The following LONRF3 variants were observed in gnomAD, a reference collection of about 807,000 sequenced individuals.
LONRF3 encodes LON peptidase N-terminal domain and ring finger 3.
A neutral mutation model predicts 51.7 loss-of-function variants in LONRF3; 19 were observed. The ratio of observed to expected loss-of-function variants is 0.37; its 90% confidence interval spans 0.26 to 0.54. The LOEUF is 0.54. Among genes scored for constraint, LONRF3 ranks in the 20% least tolerant of loss-of-function variants. The pLI is 0.86. For missense variants in LONRF3, 521 were observed against 623.9 expected, an observed-to-expected ratio of 0.84 and a Z score of 1.76; for synonymous variants, 265 against 257.8, an observed-to-expected ratio of 1.03 and a Z score of -0.27.
At chrX:118,999,891 G>A (rs774482614) in intron 5 of LONRF3, among the ~76,000 whole-genome samples, 1 of 111,980 alleles carries the variant, frequency 8.9e-6, no homozygotes, top group African/African-American at 3.2e-5. Flanking sequence ...CTGCTTGATG[G>A]TGATAAGAAA....
intron 7 of LONRF3, among the ~76,000 whole-genome samples, chrX:119,010,392 C>A (rs966343051): frequency 1.8e-5 from 2 of 111,808 alleles, no homozygotes; most frequent in South Asian, 7.6e-4. Flanking sequence ...GGTTTCATGC[C>A]CACTGTGTAG....
chrX:118,982,414 T>C (rs1249969219), intron 2 of LONRF3, among the ~76,000 whole-genome samples: 4 of 111,618 alleles, frequency 3.6e-5, no homozygotes, highest in Non-Finnish European at 7.5e-5. Flanking sequence ...CTTGAGAGAC[T>C]AGTTCAAACG....
intron 6 of LONRF3, among the ~76,000 whole-genome samples, chrX:119,007,784 G>C (rs897246820): frequency 8.0e-5 from 9 of 111,972 alleles, no homozygotes; most frequent in African/African-American, 2.6e-4. Context: ...AAAGTTGTAG[G>C]ATTTGCAGGC....
At chrX:118,993,507 G>C (rs1161996741) in intron 5 of LONRF3, among the ~76,000 whole-genome samples, 1 of 111,734 alleles carries the variant, frequency 8.9e-6, no homozygotes. Flanking sequence ...TATGAACAAA[G>C]CCTCCAAGAA....
chrX:119,016,979 T>C (rs1323511470), intron 10 of LONRF3, among the ~76,000 whole-genome samples: 1 of 112,513 alleles, frequency 8.9e-6, no homozygotes, highest in East Asian at 2.8e-4. Flanking sequence ...GGAGGCATGG[T>C]GTATCTGTTA....
chrX:119,008,224 A>G (rs769724419), intron 6 of LONRF3, among the ~76,000 whole-genome samples: 23 of 112,474 alleles, frequency 2.0e-4, no homozygotes, highest in Non-Finnish European at 4.1e-4. Flanking sequence ...AAATATTCCA[A>G]TCATTTTCAC....
chrX:119,017,541 C>T lies in LONRF3; in HGVS notation c.2131C>T (p.Pro711Ser). The change falls in exon 11 of 11, where the codon CCG becomes TCG. Residue 711 changes from proline (P) to serine (S), a missense_variant. Coordinates refer to ENST00000371628, the MANE Select transcript of LONRF3 (RefSeq NM_001031855.3). ...TTGTGTTTCTCTGTTGCAGATGAAC[C>T]CGAATGGCCCAGCCTGGTGCTGGTG... is the stretch of plus-strand genomic sequence containing the variant. ...PEKDADPQMNPNGPAWCWWML... is the reference protein window; with the variant it reads ...PEKDADPQMNSNGPAWCWWML... 2 of 1,207,439 alleles carry T rather than the reference C, an allele frequency of 1.7e-6. No homozygotes were observed. Among genetic ancestry groups the T allele is most frequent in the Non-Finnish European group, 2.2e-6 (2 of 893,822 alleles).
At chrX:118,984,279 G>T (rs1168929609) in intron 3 of LONRF3, among the ~76,000 whole-genome samples, 1 of 112,165 alleles carries the variant, frequency 8.9e-6, no homozygotes, top group African/African-American at 3.2e-5. Context: ...CCTCTTAGCT[G>T]CTCTGCCATC....
intron 8 of LONRF3, 178 bp from the exon 9 acceptor site, chrX:119,012,861 A>G (rs776314397): frequency 8.5e-7 from 1 of 1,175,354 alleles, no homozygotes; most frequent in Non-Finnish European, 1.1e-6. Context: ...TACATTACGA[A>G]TTTTTTTTCT....
At chrX:118,985,423 A>G (rs1288077690) in intron 3 of LONRF3, among the ~76,000 whole-genome samples, 1 of 111,464 alleles carries the variant, frequency 9.0e-6, no homozygotes, top group Non-Finnish European at 1.9e-5. Context: ...GTACCTCCCC[A>G]TTTAACTCCT....
At position 118,989,545 on chromosome X, in the gene LONRF3, G is replaced by T; in HGVS notation, c.1197G>T (p.Glu399Asp). The change falls in exon 4 of 11, where the codon GAG becomes GAT. Residue 399 changes from glutamate to aspartate, a missense_variant. Glu to Asp is a conservative substitution (Grantham distance 45, BLOSUM62 2). Around this residue, in one of 2 missense-constraint regions of LONRF3, gnomAD observed 376 missense variants for 376.7 expected, o/e 1.00. Coordinates refer to ENST00000371628, the MANE Select transcript of LONRF3 (RefSeq NM_001031855.3). ...HHMKDQEEEE[E>D]KWDATSPKAA... ...TGAAAGACCAGGAAGAAGAGGAGGAGAAGTGGGATGCTACCTCTCCAAAAG... is the reference window on the plus strand; with the variant it reads ...TGAAAGACCAGGAAGAAGAGGAGGATAAGTGGGATGCTACCTCTCCAAAAG... 1 of 1,211,436 alleles carries T rather than the reference G, an allele frequency of 8.3e-7. No individual in the cohort carries two copies. The highest frequency in any genetic ancestry group is 1.1e-6 in the Non-Finnish European group (1 of 895,465).
At chrX:119,006,345 C>T (rs765732980) in intron 6 of LONRF3, 110 bp downstream of exon 6, 6 of 453,369 alleles carry the variant, frequency 1.3e-5, no homozygotes, top group South Asian at 9.7e-5. Context: ...CCCCCAGCCA[C>T]GGCACTGTGG....
chrX:118,978,251 C>G (rs1922241558), intron 1 of LONRF3, 94 bp from the exon 2 acceptor site: 2 of 547,548 alleles, frequency 3.7e-6, no homozygotes, highest in Non-Finnish European at 6.3e-6. Context: ...TCCTAGAAAA[C>G]TTATCATTTG....
At chrX:119,004,910 C>T (rs773044078) in intron 5 of LONRF3, among the ~76,000 whole-genome samples, 1 of 112,740 alleles carries the variant, frequency 8.9e-6, no homozygotes, top group South Asian at 3.7e-4. Context: ...AGAAAAGGCA[C>T]ATGACTGAAG....
intron 5 of LONRF3, among the ~76,000 whole-genome samples, chrX:118,992,880 C>T (rs1201903805): frequency 1.8e-5 from 2 of 111,319 alleles, no homozygotes; most frequent in Admixed American, 9.5e-5. Context: ...AGCCTGGAGC[C>T]GGGTAGACTG....
chrX:118,990,652 G>A, intron 5 of LONRF3, 92 bp downstream of exon 5: 2 of 707,853 alleles, frequency 2.8e-6, no homozygotes, highest in Non-Finnish European at 4.4e-6. Context: ...GGGTTGGTTA[G>A]CATGTAAAAA....
chrX:119,005,059 T>G (rs1229994254), intron 5 of LONRF3, among the ~76,000 whole-genome samples: 1 of 112,329 alleles, frequency 8.9e-6, no homozygotes, highest in Non-Finnish European at 1.9e-5. Flanking sequence ...GGCATGTTGC[T>G]TCTTCTACTC....
In LONRF3 at chrX:118,978,411, A is replaced by G. The variant is rs1569474852; in HGVS notation, c.884A>G (p.Asn295Ser). 1 of 1,207,857 alleles carries G rather than the reference A, an allele frequency of 8.3e-7. No homozygotes were observed. The highest frequency in any genetic ancestry group is 1.1e-6 in the Non-Finnish European group (1 of 892,336). Residue 295 changes from asparagine to serine, a missense_variant, in exon 2 of 11, where the codon AAT becomes AGT. Around this residue, in one of 2 missense-constraint regions of LONRF3, gnomAD observed 376 missense variants for 376.7 expected, o/e 1.00. Coordinates refer to ENST00000371628, the MANE Select transcript of LONRF3 (RefSeq NM_001031855.3). ...QIYFTLESHE[N>S]ALHDAEIACK... ...TATTTCACCTTGGAGTCTCATGAGA[A>G]TGCACTGCATGATGCAGAAATAGCA...
In LONRF3 at chrX:118,974,851, C is replaced by T; in HGVS notation, c.71C>T (p.Ala24Val). ...AEVSSDNLESAERGASAAQVD... is the reference protein window; with the variant it reads ...AEVSSDNLESVERGASAAQVD... ...GTCAGCAGCGACAACTTGGAGTCGG[C>T]GGAGCGAGGGGCATCAGCGGCCCAA... Residue 24 changes from alanine (A) to valine (V), a missense_variant, in exon 1 of 11, where the codon GCG (alanine) becomes GTG (valine). Physicochemically the swap from Ala to Val is moderately conservative, Grantham distance 64. Around this residue, in one of 2 missense-constraint regions of LONRF3, gnomAD observed 376 missense variants for 376.7 expected, o/e 1.00. Transcript: ENST00000371628. 1 of 1,207,501 alleles carries T rather than the reference C, an allele frequency of 8.3e-7. No individual in the cohort carries two copies. The highest frequency in any genetic ancestry group is 1.1e-6 in the Non-Finnish European group (1 of 893,944).
Sources: gnomAD v4.1 joint callset for allele counts (sites outside exome capture counted in the v4.1 genomes callset) on GRCh38, gnomAD v4.1.1 for gene constraint, gnomAD v4.1.1 regional missense constraint, MANE v1.5 for transcripts, NCBI Gene and HGNC (gene_info 2026-07-23, HGNC 2026-07-21) for gene names.